Variants in CSMD2 observed in about 807,000 individuals in gnomAD.
The protein encoded by CSMD2 is CUB and sushi domain-containing protein 2.
In CSMD2, 130 loss-of-function variants were observed where a neutral mutation model predicts 398.5. The ratio of observed to expected loss-of-function variants is 0.33; its 90% CI spans 0.28 to 0.38. The LOEUF is 0.38. Among genes scored for constraint, CSMD2 ranks in the 10% least tolerant of loss-of-function variants. The pLI is 1.00. For synonymous variants in CSMD2, 1,828 were observed against 1,908.5 expected (o/e 0.96, Z 1.10); for missense variants, 3,829 against 4,764.9 (o/e 0.80, Z 5.78).
rs748886122 is a variant in CSMD2 at position 33,743,408 on chromosome 1, G to A, written c.2045C>T (p.Ala682Val). 30 of 1,614,052 alleles carry A rather than the reference G, an allele frequency of 1.9e-5. No individual in the cohort carries two copies. Among genetic ancestry groups the A allele is most frequent in the South Asian group, 3.3e-5 (3 of 91,082 alleles). Residue 682 changes from alanine (A) to valine (V), a missense_variant, in exon 14 of 71, where the codon GCG (alanine) becomes GTG (valine). By Grantham distance (64) the Ala-to-Val change is moderately conservative (BLOSUM62 0). This residue lies in a region of CSMD2 where 2,001 missense variants were observed against 2,567.1 expected (regional missense o/e 0.78). Coordinates refer to ENST00000373381, the MANE Select transcript of CSMD2 (RefSeq NM_001281956.2). ...LVIKDGATAE[A>V]PVLGTFSGNQ... ...TCCTGAGAAGGTGCCCAGGACGGGC[G>A]CCTCGGCGGTGGCCCCATCCTTGAT...
intron 26 of CSMD2, among the ~76,000 whole-genome samples, chr1:33,658,890 T>A (rs942168305): frequency 6.6e-6 from 1 of 152,172 alleles, no homozygotes; most frequent in South Asian, 2.1e-4. Context: ...ATAAACTCCA[T>A]GTATTCAATT....
chr1:33,987,173 C>A (rs1002832555), intron 3 of CSMD2, among the ~76,000 whole-genome samples: 3 of 152,144 alleles, frequency 2.0e-5, no homozygotes, highest in Admixed American at 6.5e-5. Context: ...GCATTCAAGT[C>A]CTTGTTCTTC....
At chr1:33,790,552 G>C (rs1654107583) in intron 11 of CSMD2, among the ~76,000 whole-genome samples, 1 of 152,262 alleles carries the variant, frequency 6.6e-6, no homozygotes, top group South Asian at 2.1e-4. Context: ...TGACTATCCT[G>C]GGTTTCTAGC....
rs1451087562 is a variant in CSMD2, at chr1:33,829,122, C to A, written c.1034-3348G>T. 6.6e-5 allele frequency among the ~76,000 whole-genome samples: 10 copies of A among 152,144 alleles called. No individual in the cohort carries two copies. In the South Asian group the frequency reaches 2.1e-3, roughly 32 times the overall value. ...AATCCACAGGTAGAGTCTTTGTCCT[C>A]ATCATGTTAGCGCAGGGAAATACAG... On this transcript the variant is annotated intron_variant, in intron 6 of 70. Transcript: ENST00000373381.
chr1:33,625,087 A>C lies in CSMD2; in HGVS notation c.5464T>G (p.Leu1822Val). ...EIECLPVPGALAQWNVSAPTC... is the reference protein window; with the variant it reads ...EIECLPVPGAVAQWNVSAPTC... ...GGCGCTGAGACATTCCATTGGGCCA[A>C]GGCCCCAGGCACAGGGAGGCACTCG... is the stretch of plus-strand genomic sequence containing the variant. Residue 1822 changes from leucine (L) to valine (V), a missense_variant, in exon 34 of 71, where the codon TTG (leucine) becomes GTG (valine). Physicochemically the swap from Leu to Val is conservative, Grantham distance 32. Coordinates refer to ENST00000373381, the MANE Select transcript of CSMD2 (RefSeq NM_001281956.2). The C allele has an allele frequency of 6.2e-7, 1 of 1,613,974 alleles. No individual in the cohort carries two copies. The highest frequency in any genetic ancestry group is 8.5e-7 in the Non-Finnish European group (1 of 1,179,986).
At chr1:33,952,992 T>C (rs2125374264) in intron 3 of CSMD2, among the ~76,000 whole-genome samples, 1 of 152,354 alleles carries the variant, frequency 6.6e-6, no homozygotes, top group African/African-American at 2.4e-5. Context: ...AAATGTTTGC[T>C]GGATGGCTGC....
intron 2 of CSMD2, among the ~76,000 whole-genome samples, chr1:34,040,314 A>G (rs1419162409): frequency 1.3e-5 from 2 of 152,242 alleles, no homozygotes; most frequent in African/African-American, 4.8e-5. Flanking sequence ...TTAGGTCAAC[A>G]AAGTCCCAAG....
intron 5 of CSMD2, among the ~76,000 whole-genome samples, chr1:33,873,180 A>C (rs112852153): frequency 9.8e-5 from 15 of 152,322 alleles, no homozygotes; most frequent in African/African-American, 3.4e-4. Flanking sequence ...AGATGATGAG[A>C]TCCTGGACTT....
chr1:33,988,665 A>G (rs1229698867), intron 3 of CSMD2, among the ~76,000 whole-genome samples: 1 of 152,146 alleles, frequency 6.6e-6, no homozygotes, highest in Non-Finnish European at 1.5e-5. Context: ...ATGCCCAGCA[A>G]TTAAAACAAC....
chr1:33,765,179 C>A (rs1233713546), intron 13 of CSMD2, among the ~76,000 whole-genome samples: 1 of 152,082 alleles, frequency 6.6e-6, no homozygotes, highest in Non-Finnish European at 1.5e-5. Context: ...ATACAAAAAT[C>A]CCAATAGGAT....
At chr1:33,826,414 G>T (rs10914786) in intron 6 of CSMD2, among the ~76,000 whole-genome samples, 20,130 of 152,200 alleles carry the variant, frequency 0.13, 1,735 homozygotes, top group South Asian at 0.35. Flanking sequence ...ATTAGGCTTG[G>T]CCTCTTGCAT....
Position 33,820,588 on chromosome 1 carries a change from A to AAAAC in CSMD2, c.1112-33_1112-32insGTTT, listed in dbSNP as rs371046549. The AAAAC allele has an allele frequency of 3.1e-4, 288 of 918,222 alleles. 5 individuals are homozygous for AAAAC. The highest frequency in any genetic ancestry group is 1.5e-3 in the South Asian group (88 of 58,382). The allele number at this position is 918,222 out of a possible 1,614,324, so 56.9% of individuals were successfully genotyped here. On this transcript the variant is annotated intron_variant, in intron 7 of 70. Coordinates refer to ENST00000373381, the MANE Select transcript of CSMD2 (RefSeq NM_001281956.2). ...GGCAAAAAAAAAAAAAAAAAAAAAA[A>AAAAC]CAGCACACACAGAGATGGACAGTCA...
intron 53 of CSMD2, among the ~76,000 whole-genome samples, chr1:33,564,678 C>T (rs1014339099): frequency 1.3e-5 from 2 of 152,198 alleles, no homozygotes; most frequent in African/African-American, 4.8e-5. Flanking sequence ...GCTGGGACTA[C>T]AAGCACAAGC....
chr1:33,864,254 G>C (rs866310745), intron 5 of CSMD2: 6 of 1,611,976 alleles, frequency 3.7e-6, no homozygotes, highest in South Asian at 1.1e-5. Context: ...ACTTTTTGCT[G>C]AATTACAGAA....
At chr1:34,019,604 G>A (rs534771294) in intron 3 of CSMD2, among the ~76,000 whole-genome samples, 1 of 152,272 alleles carries the variant, frequency 6.6e-6, no homozygotes, top group African/African-American at 2.4e-5. Context: ...TTCTATGCTC[G>A]ACAGTGGTCC....
chr1:33,656,812 A>T (rs916147098), intron 27 of CSMD2, among the ~76,000 whole-genome samples: 3 of 152,208 alleles, frequency 2.0e-5, no homozygotes, highest in African/African-American at 7.2e-5. Flanking sequence ...AATGGTGCTA[A>T]TTTCAGAGAG....
rs888763093 is a variant in CSMD2, at chr1:33,518,695, G to A, written c.*53+770C>T. On this transcript the variant is annotated intron_variant, in intron 70 of 70. Coordinates refer to ENST00000373381, the MANE Select transcript of CSMD2 (RefSeq NM_001281956.2). The surrounding 1 kb of genome is among the most constrained non-coding windows in gnomAD (Gnocchi z 4.3). Reference sequence around the variant, plus strand: ...GGTGCTCCAAAGAGGAAGGAATTCCGTCTCTGACTGCTTTTGGACTCAAGA... The same window carrying A: ...GGTGCTCCAAAGAGGAAGGAATTCCATCTCTGACTGCTTTTGGACTCAAGA... 1.2e-4 allele frequency among the ~76,000 whole-genome samples: 19 copies of A among 152,120 alleles called. No individual in the cohort carries two copies. The highest frequency in any genetic ancestry group is 4.1e-4 in the South Asian group (2 of 4,826).
chr1:33,526,850 C>A (rs1211998599), intron 65 of CSMD2, among the ~76,000 whole-genome samples: 5 of 152,212 alleles, frequency 3.3e-5, no homozygotes, highest in African/African-American at 1.2e-4. Flanking sequence ...AAACTGTAAC[C>A]ATTTCCAGGA....
rs769920537 is a variant in CSMD2 at position 33,624,651 on chromosome 1, G to A, written c.5501-8C>T. The A allele has an allele frequency of 6.2e-7, 1 of 1,610,414 alleles. No individual in the cohort carries two copies. Among genetic ancestry groups the A allele is most frequent in the Non-Finnish European group, 8.5e-7 (1 of 1,177,342 alleles). ...GGTTGCCTCCACACGGCACTGGGAG[G>A]AGAGGCCATCGGGTCAGAGGCTTTG... is the stretch of plus-strand genomic sequence containing the variant. On this transcript the variant is annotated splice_region_variant and splice_polypyrimidine_tract_variant and intron_variant, in intron 34 of 70. Coordinates refer to ENST00000373381, the MANE Select transcript of CSMD2 (RefSeq NM_001281956.2). This position sits in a 1 kb window ranked among gnomAD's most constrained non-coding sequence, Gnocchi z 4.7.
Sources: gnomAD v4.1 joint callset for allele counts (sites outside exome capture counted in the v4.1 genomes callset) on GRCh38, gnomAD v4.1.1 for gene constraint, gnomAD v4.1.1 regional missense constraint, Gnocchi (gnomAD v3.1) non-coding constraint, MANE v1.5 for transcripts, NCBI Gene and HGNC (gene_info 2026-07-23, HGNC 2026-07-21) for gene names.